Variants in AGPAT4 observed in about 807,000 individuals in gnomAD.
AGPAT4 encodes the protein 1-acyl-sn-glycerol-3-phosphate acyltransferase delta.
AGPAT4 carries 15 observed loss-of-function variants against 48.0 expected under a neutral mutation model. The observed-to-expected ratio is 0.31, with a 90% CI of 0.21 to 0.48. The LOEUF is 0.48. Among genes scored for constraint, AGPAT4 ranks in the 20% least tolerant of loss-of-function variants. AGPAT4 has a pLI of 0.99. For missense variants in AGPAT4, 314 were observed against 482.5 expected (o/e 0.65, Z 3.27); for synonymous variants, 178 against 198.7 (o/e 0.90, Z 0.88).
intron 2 of AGPAT4, among the ~76,000 whole-genome samples, chr6:161,207,736 G>A (rs901403385): frequency 6.6e-6 from 1 of 152,208 alleles, no homozygotes; most frequent in Non-Finnish European, 1.5e-5. Flanking sequence ...GGGAAATGGG[G>A]ATGGAGTGGA....
At position 161,212,544 on chromosome 6, in the gene AGPAT4, T is replaced by C. The variant is rs929053121; in HGVS notation, c.178+19492A>G. 6.6e-6 allele frequency among the ~76,000 whole-genome samples: 1 copy of C among 152,212 alleles called. No homozygotes were observed. The highest frequency in any genetic ancestry group is 1.5e-5 in the Non-Finnish European group (1 of 68,016). On this transcript the variant is annotated intron_variant, in intron 2 of 8. Coordinates refer to ENST00000320285, the MANE Select transcript of AGPAT4 (RefSeq NM_020133.3). This position sits in a 1 kb window ranked among gnomAD's most constrained non-coding sequence, Gnocchi z 6.1. ...GTCAAATACGAAATGGTGTTTGGTT[T>C]CCTTTAGGTTGTATTTGTATAAATA...
intron 1 of AGPAT4, among the ~76,000 whole-genome samples, chr6:161,258,916 C>T (rs1289554638): frequency 6.6e-6 from 1 of 151,908 alleles, no homozygotes; most frequent in Admixed American, 6.6e-5. Context: ...CATGCCTCAG[C>T]CTCCCAAGTA....
rs1413589506 is a variant in AGPAT4 at position 161,208,214 on chromosome 6, T to C, written c.178+23822A>G. Reference sequence around the variant, plus strand: ...TATTTTACATTTCAGTCTCCTTTTTTATATGAACGTTAGCTACCAAGACAA... The same window carrying C: ...TATTTTACATTTCAGTCTCCTTTTTCATATGAACGTTAGCTACCAAGACAA... On this transcript the variant is annotated intron_variant, in intron 2 of 8. Coordinates refer to ENST00000320285, the MANE Select transcript of AGPAT4 (RefSeq NM_020133.3). This position sits in a 1 kb window ranked among gnomAD's most constrained non-coding sequence, Gnocchi z 4.6. 1.3e-5 allele frequency among the ~76,000 whole-genome samples: 2 copies of C among 152,200 alleles called. No individual in the cohort carries two copies. Among genetic ancestry groups the C allele is most frequent in the African/African-American group, 2.4e-5 (1 of 41,466 alleles).
Position 161,141,580 on chromosome 6 carries a change from GT to G in AGPAT4, c.844-1961del, listed in dbSNP as rs1355748193. On this transcript the variant is annotated intron_variant, in intron 7 of 8. Transcript: ENST00000320285. This position sits in a 1 kb window ranked among gnomAD's most constrained non-coding sequence, Gnocchi z 6.7. ...AAGGGGGGTGATATTTTTGTGCCTT[GT>G]TTTTTTTTAAAAAAAAAACAGCTTT... Among the ~76,000 whole-genome samples the G allele has an allele frequency of 2.5e-3, 372 of 149,526 alleles. 1 individual carries two copies. The highest frequency in any genetic ancestry group is 8.8e-3 in the African/African-American group (356 of 40,352).
intron 2 of AGPAT4, among the ~76,000 whole-genome samples, chr6:161,194,619 CATGTGTGTATGTGT>C (rs562245885): frequency 0.018 from 2,691 of 148,632 alleles, 30 homozygotes; most frequent in African/African-American, 0.037. Context: ...TGTATGTGTA[CATGTGTGTATGTGT>C]ATGTGTGTAT....
intron 1 of AGPAT4, among the ~76,000 whole-genome samples, chr6:161,239,271 A>G (rs1782409799): frequency 6.6e-6 from 1 of 152,204 alleles, no homozygotes; most frequent in South Asian, 2.1e-4. Flanking sequence ...GAATTTCCCC[A>G]TGAAAGAATC....
At position 161,214,795 on chromosome 6, in the gene AGPAT4, A is replaced by C. The variant is rs1193892509; in HGVS notation, c.178+17241T>G. Reference sequence around the variant, plus strand: ...AAATAAATAAATAAATAAATAATAAAATAAACATAGAAAAGGCACAGCAAA... The same window carrying C: ...AAATAAATAAATAAATAAATAATAACATAAACATAGAAAAGGCACAGCAAA... On this transcript the variant is annotated intron_variant, in intron 2 of 8. Transcript: ENST00000320285. The surrounding 1 kb of genome is among the most constrained non-coding windows in gnomAD (Gnocchi z 5.4). Among the ~76,000 whole-genome samples, 4 of 152,218 alleles carry C rather than the reference A, an allele frequency of 2.6e-5. No homozygotes were observed. The highest frequency in any genetic ancestry group is 9.6e-5 in the African/African-American group (4 of 41,538).
Position 161,159,155 on chromosome 6 carries a change from T to A in AGPAT4, c.349-4845A>T, listed in dbSNP as rs1779850102. 6.6e-6 allele frequency among the ~76,000 whole-genome samples: 1 copy of A among 152,158 alleles called. No individual in the cohort carries two copies. The highest frequency in any genetic ancestry group is 6.5e-5 in the Admixed American group (1 of 15,276). On this transcript the variant is annotated intron_variant, in intron 3 of 8. Coordinates refer to ENST00000320285, the MANE Select transcript of AGPAT4 (RefSeq NM_020133.3). The surrounding 1 kb of genome is among the most constrained non-coding windows in gnomAD (Gnocchi z 4.1). ...GAGCCACTGTAGCAAATGTTTCAGT[T>A]CCCTGGAGCCAAGACAAGCCATCCA...
chr6:161,205,816 A>G (rs913783429), intron 2 of AGPAT4, among the ~76,000 whole-genome samples: 1 of 152,112 alleles, frequency 6.6e-6, no homozygotes, highest in Non-Finnish European at 1.5e-5. Flanking sequence ...TTCTTTTCAG[A>G]GTTGTTTCTT....
chr6:161,259,988 C>T lies in AGPAT4; in HGVS notation c.-90+13950G>A, dbSNP rs1330741705. 6.6e-6 allele frequency among the ~76,000 whole-genome samples: 1 copy of T among 152,114 alleles called. No homozygotes were observed. The highest frequency in any genetic ancestry group is 1.5e-5 in the Non-Finnish European group (1 of 68,030). ...AAACTTCCATTCACCTGGCGCTATACGTGTTTGGGGCTGGGGAGTCTCTGG... is the reference window on the plus strand; with the variant it reads ...AAACTTCCATTCACCTGGCGCTATATGTGTTTGGGGCTGGGGAGTCTCTGG... On this transcript the variant is annotated intron_variant, in intron 1 of 8. Transcript: ENST00000320285. This position sits in a 1 kb window ranked among gnomAD's most constrained non-coding sequence, Gnocchi z 4.9.
At position 161,155,466 on chromosome 6, in the gene AGPAT4, G is replaced by A. The variant is rs117250485; in HGVS notation, c.349-1156C>T. 7.4e-4 allele frequency among the ~76,000 whole-genome samples: 113 copies of A among 152,130 alleles called. 1 individual carries two copies. In the East Asian group the frequency reaches 0.015, roughly 20 times the overall value. On this transcript the variant is annotated intron_variant, in intron 3 of 8. Transcript: ENST00000320285. The surrounding 1 kb of genome is among the most constrained non-coding windows in gnomAD (Gnocchi z 5.8). ...CTCCCCGTTACACCCATGCCTCTCCGCAGCTCCAGCTCAGCACAGGGTCAG... is the reference window on the plus strand; with the variant it reads ...CTCCCCGTTACACCCATGCCTCTCCACAGCTCCAGCTCAGCACAGGGTCAG...
rs1357581971 is a variant in AGPAT4 at position 161,267,756 on chromosome 6, C to A, written c.-90+6182G>T. Among the ~76,000 whole-genome samples, 1 of 151,888 alleles carries A rather than the reference C, an allele frequency of 6.6e-6. No individual in the cohort carries two copies. The highest frequency in any genetic ancestry group is 2.4e-5 in the African/African-American group (1 of 41,344). ...AAAGAAAAGAAAAATATTAGCTGGGCATGTTAGTACACACCTGTAGTCCCA... is the reference window on the plus strand; with the variant it reads ...AAAGAAAAGAAAAATATTAGCTGGGAATGTTAGTACACACCTGTAGTCCCA... On this transcript the variant is annotated intron_variant, in intron 1 of 8. Coordinates refer to ENST00000320285, the MANE Select transcript of AGPAT4 (RefSeq NM_020133.3). The surrounding 1 kb of genome is among the most constrained non-coding windows in gnomAD (Gnocchi z 5.2).
At chr6:161,252,011 G>T (rs538223206) in intron 1 of AGPAT4, among the ~76,000 whole-genome samples, 1 of 152,326 alleles carries the variant, frequency 6.6e-6, no homozygotes, top group Non-Finnish European at 1.5e-5. Context: ...ACCTTGAGCA[G>T]GAGGATATAA....
In AGPAT4 at chr6:161,144,868, A is replaced by G. The variant is rs930345706; in HGVS notation, c.843+1656T>C. Among the ~76,000 whole-genome samples, 2 of 151,938 alleles carry G rather than the reference A, an allele frequency of 1.3e-5. No individual in the cohort carries two copies. Among genetic ancestry groups the G allele is most frequent in the Non-Finnish European group, 2.9e-5 (2 of 68,014 alleles). On this transcript the variant is annotated intron_variant, in intron 7 of 8. Transcript: ENST00000320285. The surrounding 1 kb of genome is among the most constrained non-coding windows in gnomAD (Gnocchi z 6.6). ...TGGTGGCGGGTGCCTGTAGTCCCAG[A>G]TATTTGGGAGGCTGAGGCAGGAGAA...
chr6:161,217,133 G>T lies in AGPAT4; in HGVS notation c.178+14903C>A, dbSNP rs1781667977. ...AGCAATGAAAGATGAGCAGACAGTG[G>T]AGAAGGCAAGCCAGGGGAGGGGCGG... is the stretch of plus-strand genomic sequence containing the variant. On this transcript the variant is annotated intron_variant, in intron 2 of 8. Transcript: ENST00000320285. The surrounding 1 kb of genome is among the most constrained non-coding windows in gnomAD (Gnocchi z 4.9). Among the ~76,000 whole-genome samples, 1 of 152,246 alleles carries T rather than the reference G, an allele frequency of 6.6e-6. No homozygotes were observed. The highest frequency in any genetic ancestry group is 1.5e-5 in the Non-Finnish European group (1 of 68,050).
At chr6:161,248,350 G>A (rs572813678) in intron 1 of AGPAT4, among the ~76,000 whole-genome samples, 67 of 152,114 alleles carry the variant, frequency 4.4e-4, no homozygotes, top group African/African-American at 1.5e-3. Context: ...CGAGACGGGC[G>A]GATCATGAGG....
rs961527710 is a variant in AGPAT4, at chr6:161,222,028, C to T, written c.178+10008G>A. 1.3e-5 allele frequency among the ~76,000 whole-genome samples: 2 copies of T among 152,180 alleles called. No homozygotes were observed. The highest frequency in any genetic ancestry group is 2.9e-5 in the Non-Finnish European group (2 of 68,034). Reference sequence around the variant, plus strand: ...AGCGTCCAGCTCTTTCCTCTCAGTTCCTTTCCACGAATGACTGCAATATTT... The same window carrying T: ...AGCGTCCAGCTCTTTCCTCTCAGTTTCTTTCCACGAATGACTGCAATATTT... On this transcript the variant is annotated intron_variant, in intron 2 of 8. Coordinates refer to ENST00000320285, the MANE Select transcript of AGPAT4 (RefSeq NM_020133.3). This position sits in a 1 kb window ranked among gnomAD's most constrained non-coding sequence, Gnocchi z 5.9.
Position 161,159,909 on chromosome 6 carries a change from C to G in AGPAT4, c.349-5599G>C, listed in dbSNP as rs973672570. 2.7e-5 allele frequency among the ~76,000 whole-genome samples: 4 copies of G among 150,412 alleles called. No homozygotes were observed. The highest frequency in any genetic ancestry group is 5.9e-5 in the Non-Finnish European group (4 of 67,852). ...CTCCCAAAGTGCTGGGATGGGATTA[C>G]AGGTGTGAGCCACCAAACCTGGCTT... On this transcript the variant is annotated intron_variant, in intron 3 of 8. Transcript: ENST00000320285. This position sits in a 1 kb window ranked among gnomAD's most constrained non-coding sequence, Gnocchi z 4.1.
At position 161,189,605 on chromosome 6, in the gene AGPAT4, G is replaced by A. The variant is rs1410804752; in HGVS notation, c.179-23188C>T. 6.6e-6 allele frequency among the ~76,000 whole-genome samples: 1 copy of A among 152,038 alleles called. No homozygotes were observed. The highest frequency in any genetic ancestry group is 1.5e-5 in the Non-Finnish European group (1 of 68,002). On this transcript the variant is annotated intron_variant, in intron 2 of 8. Transcript: ENST00000320285. The surrounding 1 kb of genome is among the most constrained non-coding windows in gnomAD (Gnocchi z 5.3). ...TTGCCCCAGGCCACTGAGACGGTAC[G>A]GACTTCTGTCTGTGCTGTACACTTG...
Sources: allele counts gnomAD v4.1 joint callset (sites outside exome capture counted in the v4.1 genomes callset), GRCh38; gene constraint gnomAD v4.1.1; non-coding constraint Gnocchi (gnomAD v3.1); transcripts MANE v1.5; gene names NCBI Gene and HGNC (gene_info 2026-07-23, HGNC 2026-07-21).